HELZ: variants seen among roughly 807,000 people sequenced by gnomAD.
The protein encoded by HELZ is ATP-dependent RNA helicase with zinc finger domain.
A neutral mutation model predicts 218.2 loss-of-function variants in HELZ; 23 were observed. That is an observed-to-expected ratio of 0.11 (90% CI 0.08 to 0.15). The LOEUF is 0.15. Ranked by LOEUF, HELZ falls within the 10% of genes least tolerant of loss-of-function variation. The pLI, the probability that HELZ is intolerant of heterozygous loss-of-function variation, is 1.00. For missense variants in HELZ, 1,813 were observed against 2,353.7 expected (o/e 0.77, Z 4.75); for synonymous variants, 814 against 829.4 (o/e 0.98, Z 0.32).
At chr17:67,177,321 T>G (rs2039489091) in intron 13 of HELZ, among the ~76,000 whole-genome samples, 1 of 152,116 alleles carries the variant, frequency 6.6e-6, no homozygotes, top group Non-Finnish European at 1.5e-5. Flanking sequence ...TCCAGACAAG[T>G]TTCCACTTTT....
At chr17:67,099,952 G>C (rs2036872455) in intron 31 of HELZ, among the ~76,000 whole-genome samples, 1 of 152,140 alleles carries the variant, frequency 6.6e-6, no homozygotes, top group South Asian at 2.1e-4. Context: ...TTAATTTGCT[G>C]ATCACTGTTA....
intron 24 of HELZ, among the ~76,000 whole-genome samples, chr17:67,124,901 T>C (rs1033055989): frequency 2.0e-5 from 3 of 151,970 alleles, no homozygotes; most frequent in Non-Finnish European, 4.4e-5. Flanking sequence ...TCCCATGGGC[T>C]AAAAGTAACA....
chr17:67,151,248 G>T (rs1438372544), intron 17 of HELZ, 24 bp from the exon 18 acceptor site: 3 of 1,561,024 alleles, frequency 1.9e-6, no homozygotes, highest in Non-Finnish European at 2.6e-6. Context: ...AAATATTTCT[G>T]ATTTACATTT....
intron 32 of HELZ, among the ~76,000 whole-genome samples, chr17:67,084,535 C>A (rs916505584): frequency 6.6e-6 from 1 of 151,836 alleles, no homozygotes; most frequent in African/African-American, 2.4e-5. Context: ...TGGTGGCGGG[C>A]GCCTGTAGTC....
intron 13 of HELZ, among the ~76,000 whole-genome samples, chr17:67,171,384 A>C (rs1393315652): frequency 2.0e-5 from 3 of 152,188 alleles, no homozygotes; most frequent in Non-Finnish European, 4.4e-5. Flanking sequence ...AACAACTTAG[A>C]AAATGGCACT....
chr17:67,203,209 G>T, intron 6 of HELZ, 110 bp downstream of exon 6: 1 of 1,118,248 alleles, frequency 8.9e-7, no homozygotes, highest in Non-Finnish European at 1.3e-6. Flanking sequence ...CTTTCTAATA[G>T]AGGAAGAACT....
chr17:67,106,716 T>G (rs1160001534), intron 31 of HELZ, among the ~76,000 whole-genome samples: 1 of 152,174 alleles, frequency 6.6e-6, no homozygotes, highest in Admixed American at 6.5e-5. Flanking sequence ...GGAATCAGAG[T>G]CCCTGGGTCT....
At chr17:67,090,205 T>C (rs545589959) in intron 31 of HELZ, among the ~76,000 whole-genome samples, 1 of 152,314 alleles carries the variant, frequency 6.6e-6, no homozygotes, top group South Asian at 2.1e-4. Flanking sequence ...TAGAATGGTG[T>C]ATTACATTAA....
At chr17:67,239,997 A>G (rs751051119) in intron 2 of HELZ, among the ~76,000 whole-genome samples, 61 of 152,234 alleles carry the variant, frequency 4.0e-4, no homozygotes, top group Admixed American at 9.8e-4. Flanking sequence ...CCTAAAATTC[A>G]ACAGATGGTA....
intron 31 of HELZ, among the ~76,000 whole-genome samples, chr17:67,096,354 G>A (rs1465596069): frequency 6.6e-6 from 1 of 152,162 alleles, no homozygotes; most frequent in East Asian, 1.9e-4. Flanking sequence ...AGCTGCATTA[G>A]TTCCTAACAA....
intron 5 of HELZ, among the ~76,000 whole-genome samples, chr17:67,206,985 G>A (rs909252997): frequency 1.0e-4 from 15 of 144,832 alleles, no homozygotes; most frequent in African/African-American, 3.3e-4. Context: ...TGATATCAGC[G>A]GACTGCAACC....
At chr17:67,106,393 A>C (rs2037102228) in intron 31 of HELZ, among the ~76,000 whole-genome samples, 1 of 151,056 alleles carries the variant, frequency 6.6e-6, no homozygotes, top group African/African-American at 2.5e-5. Flanking sequence ...CTGCAAGCTC[A>C]GCCTCCCGGG....
At chr17:67,154,390 C>T (rs899327383) in intron 17 of HELZ, among the ~76,000 whole-genome samples, 1 of 152,226 alleles carries the variant, frequency 6.6e-6, no homozygotes, top group African/African-American at 2.4e-5. Flanking sequence ...AATCACACCA[C>T]TGCACTCCAG....
chr17:67,131,719 CACT>C (rs1371530740), intron 23 of HELZ, among the ~76,000 whole-genome samples: 2 of 152,130 alleles, frequency 1.3e-5, no homozygotes, highest in Non-Finnish European at 2.9e-5. Context: ...GGGGCGCCAG[CACT>C]ACTATTATTA....
intron 31 of HELZ, among the ~76,000 whole-genome samples, chr17:67,091,309 T>A (rs1412021653): frequency 6.6e-6 from 1 of 152,094 alleles, no homozygotes; most frequent in Non-Finnish European, 1.5e-5. Context: ...TGAGGCCTGC[T>A]AAGGCCTCAA....
In HELZ at chr17:67,134,971, C is replaced by T. The variant is rs115981052; in HGVS notation, c.3182+999G>A. 1.0e-3 allele frequency among the ~76,000 whole-genome samples: 152 copies of T among 150,574 alleles called. 1 individual carries two copies. Among genetic ancestry groups the T allele is most frequent in the African/African-American group, 3.6e-3 (149 of 41,058 alleles). On this transcript the variant is annotated intron_variant, in intron 23 of 32. Transcript: ENST00000358691. Reference sequence around the variant, plus strand: ...CAAAAGAATATTATAAATAACTGTTCGACTGCTTTTTTTTTTTTTAATGCT... The same window carrying T: ...CAAAAGAATATTATAAATAACTGTTTGACTGCTTTTTTTTTTTTTAATGCT...
chr17:67,229,855 C>G (rs2040989322), intron 3 of HELZ, among the ~76,000 whole-genome samples: 1 of 152,148 alleles, frequency 6.6e-6, no homozygotes, highest in African/African-American at 2.4e-5. Flanking sequence ...AACATAAAAT[C>G]ACTGAGTATG....
intron 31 of HELZ, among the ~76,000 whole-genome samples, chr17:67,089,929 T>C (rs1353360163): frequency 6.6e-6 from 1 of 151,980 alleles, no homozygotes; most frequent in Non-Finnish European, 1.5e-5. Context: ...CTTATTGCAC[T>C]GGCTAAGACT....
In HELZ at chr17:67,074,080, CAA is replaced by C. The variant is rs2035957805; in HGVS notation, c.*4170_*4171del. ...GGCGGTTTGAATGTGGATCAGATGG[CAA>C]AGAGTGGAGACAAATCAGATCCATT... On this transcript the variant is annotated 3_prime_UTR_variant, in exon 33 of 33. Coordinates refer to ENST00000358691, the MANE Select transcript of HELZ (RefSeq NM_014877.4). 1.3e-5 allele frequency: 2 copies of C among 152,014 alleles called. No individual in the cohort carries two copies. Among genetic ancestry groups the C allele is most frequent in the Non-Finnish European group, 2.9e-5 (2 of 67,970 alleles). 9.4% of individuals were successfully genotyped at this position (152,014 alleles called of 1,614,324 possible). A position where few individuals can be genotyped will look rare whatever the true frequency, so the allele number is the denominator to read the frequency against.
Sources: gnomAD v4.1 joint callset for allele counts (sites outside exome capture counted in the v4.1 genomes callset) on GRCh38, gnomAD v4.1.1 for gene constraint, MANE v1.5 for transcripts, NCBI Gene and HGNC (gene_info 2026-07-23, HGNC 2026-07-21) for gene names.